The following CHSY1 variants were observed in gnomAD, a reference collection of about 807,000 sequenced individuals.
The protein encoded by CHSY1 is chondroitin sulfate synthase 1.
Under a neutral mutation model 59.8 loss-of-function variants are expected in CHSY1, and 13 were observed. The ratio of observed to expected loss-of-function variants is 0.22; its 90% CI spans 0.14 to 0.35. The LOEUF is 0.35. Ranked by LOEUF, CHSY1 falls within the 10% of genes least tolerant of loss-of-function variation. The pLI, the probability that CHSY1 is intolerant of heterozygous loss-of-function variation, is 1.00. For synonymous variants in CHSY1, 459 were observed against 401.2 expected (o/e 1.14, Z -1.72); for missense variants, 947 against 1,030.6 (o/e 0.92, Z 1.11).
intron 2 of CHSY1, among the ~76,000 whole-genome samples, chr15:101,199,107 C>CTG (rs1445265824): frequency 6.6e-6 from 1 of 152,240 alleles, no homozygotes; most frequent in Non-Finnish European, 1.5e-5. Flanking sequence ...CATGCCTGAC[C>CTG]TGTGCCCTGC....
chr15:101,224,158 T>C (rs2038816284), intron 2 of CHSY1, among the ~76,000 whole-genome samples: 1 of 152,352 alleles, frequency 6.6e-6, no homozygotes, highest in East Asian at 1.9e-4. Context: ...AAGTGCTCTC[T>C]ATGATGTTTA....
chr15:101,178,929 T>C lies in CHSY1; in HGVS notation c.868A>G (p.Arg290Gly). 2 of 1,611,718 alleles carry C rather than the reference T, an allele frequency of 1.2e-6. No homozygotes were observed. The highest frequency in any genetic ancestry group is 1.7e-6 in the Non-Finnish European group (2 of 1,177,792). Residue 290 changes from arginine (R) to glycine (G), a missense_variant, in exon 3 of 3, where the codon AGA (arginine) becomes GGA (glycine). Arg to Gly is a moderately radical substitution (Grantham distance 125, BLOSUM62 -2). This residue lies in a region of CHSY1 where 602 missense variants were observed against 676.9 expected (regional missense o/e 0.89). Transcript: ENST00000254190. ...NYEQNKKGYI[R>G]DLHNSKIHQA... ...TGAATTTTACTGTTATGGAGATCTCTAATGTACCCCTTTTTGTTCTGCTCG... is the reference window on the plus strand; with the variant it reads ...TGAATTTTACTGTTATGGAGATCTCCAATGTACCCCTTTTTGTTCTGCTCG...
Position 101,235,079 on chromosome 15 carries a change from T to A in CHSY1, c.816+3A>T. 6.2e-7 allele frequency: 1 copy of A among 1,613,498 alleles called. No homozygotes were observed. The highest frequency in any genetic ancestry group is 8.5e-7 in the Non-Finnish European group (1 of 1,180,030). ...TTCCCATGGTAAAGAATTCTGTTCT[T>A]ACCTCATAAGACCAGACACACTGCA... On this transcript the variant is annotated splice_donor_region_variant and intron_variant, in intron 2 of 2. Coordinates refer to ENST00000254190, the MANE Select transcript of CHSY1 (RefSeq NM_014918.5).
intron 2 of CHSY1, among the ~76,000 whole-genome samples, chr15:101,182,685 C>T (rs994568024): frequency 1.3e-5 from 2 of 152,126 alleles, no homozygotes; most frequent in Admixed American, 6.5e-5. Context: ...AGCAGGAAAC[C>T]GGAAGAGTCT....
intron 1 of CHSY1, among the ~76,000 whole-genome samples, chr15:101,241,972 T>C (rs1014063901): frequency 1.3e-5 from 2 of 152,224 alleles, no homozygotes; most frequent in African/African-American, 2.4e-5. Context: ...AGATTACTCA[T>C]AATACCTAAT....
chr15:101,227,051 T>C (rs2038848215), intron 2 of CHSY1, among the ~76,000 whole-genome samples: 1 of 152,206 alleles, frequency 6.6e-6, no homozygotes, highest in African/African-American at 2.4e-5. Flanking sequence ...TCCAGGACTC[T>C]GGATATTAAA....
intron 2 of CHSY1, 60 bp downstream of exon 2, chr15:101,235,022 G>A (rs1358249831): frequency 2.5e-6 from 4 of 1,594,862 alleles, no homozygotes; most frequent in East Asian, 2.2e-5. Context: ...GATACGCTCA[G>A]AACTAATGAC....
chr15:101,178,846 G>A lies in CHSY1; in HGVS notation c.951C>T (p.Ser317=), dbSNP rs1224051450. The change falls in exon 3 of 3, where the codon AGC becomes AGT. Residue 317 remains serine (S), a synonymous_variant. Transcript: ENST00000254190. ...CGGATATCTTGCGGCTCAGCATGTA[G>A]CTGTGGAGCCTGTACTGGTAGGGTG... ...KNPPYQYRLH[S]YMLSRKISEL... 6.2e-7 allele frequency: 1 copy of A among 1,614,094 alleles called. No individual in the cohort carries two copies. Among genetic ancestry groups the A allele is most frequent in the East Asian group, 2.2e-5 (1 of 44,904 alleles).
intron 2 of CHSY1, among the ~76,000 whole-genome samples, chr15:101,204,119 A>C (rs188971365): frequency 1.3e-5 from 2 of 152,316 alleles, no homozygotes; most frequent in Admixed American, 6.5e-5. Context: ...TTATATCTGC[A>C]ACTTCCAAAT....
At chr15:101,229,787 A>T (rs2038874969) in intron 2 of CHSY1, among the ~76,000 whole-genome samples, 1 of 151,916 alleles carries the variant, frequency 6.6e-6, no homozygotes, top group African/African-American at 2.4e-5. Flanking sequence ...TACTCCTGTA[A>T]TCCCAGGTAC....
chr15:101,225,063 T>C (rs897966093), intron 2 of CHSY1, among the ~76,000 whole-genome samples: 19 of 152,222 alleles, frequency 1.2e-4, no homozygotes, highest in African/African-American at 4.3e-4. Flanking sequence ...CCTGCTCTAA[T>C]TGATCCAGGC....
At chr15:101,250,991 G>A (rs1270878326) in intron 1 of CHSY1, 146 bp downstream of exon 1, 1 of 715,908 alleles carries the variant, frequency 1.4e-6, no homozygotes, top group Non-Finnish European at 2.3e-6. Flanking sequence ...CCCTCGGCCC[G>A]GCGTCTCCCG....
intron 2 of CHSY1, among the ~76,000 whole-genome samples, chr15:101,230,262 C>A (rs185415675): frequency 3.3e-4 from 51 of 152,268 alleles, no homozygotes; most frequent in Non-Finnish European, 6.0e-4. Context: ...ATAGAACATG[C>A]AGCATTAGTG....
intron 2 of CHSY1, 48 bp from the exon 3 acceptor site, chr15:101,179,028 A>C: frequency 1.3e-6 from 2 of 1,567,712 alleles, no homozygotes; most frequent in Non-Finnish European, 1.8e-6. Flanking sequence ...TGTATGATTG[A>C]GTGCCAGCAC....
chr15:101,222,634 T>C (rs566151736), intron 2 of CHSY1, among the ~76,000 whole-genome samples: 1 of 152,212 alleles, frequency 6.6e-6, no homozygotes, highest in East Asian at 1.9e-4. Flanking sequence ...TTTCCTTGCT[T>C]TTCCTGACCT....
chr15:101,223,944 G>A (rs2038814434), intron 2 of CHSY1, among the ~76,000 whole-genome samples: 1 of 152,236 alleles, frequency 6.6e-6, no homozygotes, highest in South Asian at 2.1e-4. Flanking sequence ...CCCTTAGACT[G>A]TGGTCCCGTA....
chr15:101,197,398 T>C (rs1596437082), intron 2 of CHSY1, among the ~76,000 whole-genome samples: 1 of 152,232 alleles, frequency 6.6e-6, no homozygotes, highest in South Asian at 2.1e-4. Flanking sequence ...TCACCTGTTA[T>C]GGCAGAGGAA....
At chr15:101,226,520 G>A (rs2038843487) in intron 2 of CHSY1, among the ~76,000 whole-genome samples, 1 of 152,148 alleles carries the variant, frequency 6.6e-6, no homozygotes, top group African/African-American at 2.4e-5. Flanking sequence ...CCAAACCAAT[G>A]TCCTCAGCAT....
intron 2 of CHSY1, among the ~76,000 whole-genome samples, chr15:101,203,232 C>T (rs1466170335): frequency 6.6e-6 from 1 of 152,206 alleles, no homozygotes; most frequent in African/African-American, 2.4e-5. Context: ...ACAGCACAGC[C>T]AGTAGACCCT....
Sources: allele counts gnomAD v4.1 joint callset (sites outside exome capture counted in the v4.1 genomes callset), GRCh38; gene constraint gnomAD v4.1.1; regional missense constraint gnomAD v4.1.1; transcripts MANE v1.5; gene names NCBI Gene and HGNC (gene_info 2026-07-23, HGNC 2026-07-21).